RTTN: variants seen among roughly 807,000 people sequenced by gnomAD.
RTTN encodes rotatin.
RTTN carries 182 observed loss-of-function variants against 269.2 expected under a neutral mutation model. The ratio of observed to expected loss-of-function variants is 0.68; its 90% CI spans 0.60 to 0.76. The LOEUF is 0.76. RTTN is among the 30% of genes least tolerant of loss of function. The probability of loss-of-function intolerance (pLI) is 0.00; values close to 1 mark genes in which losing one functional copy is unlikely to be tolerated. For synonymous variants in RTTN, 1,006 were observed against 963.5 expected, an observed-to-expected ratio of 1.04 and a Z score of -0.82; for missense variants, 2,545 against 2,608.6, an observed-to-expected ratio of 0.98 and a Z score of 0.53.
At chr18:70,165,263 T>C (rs1341307568) in intron 14 of RTTN, among the ~76,000 whole-genome samples, 2 of 151,596 alleles carry the variant, frequency 1.3e-5, no homozygotes, top group African/African-American at 2.4e-5. Context: ...TATATACTAA[T>C]CATGCTATAT....
intron 32 of RTTN, among the ~76,000 whole-genome samples, chr18:70,082,764 T>C (rs2058603666): frequency 6.6e-6 from 1 of 152,104 alleles, no homozygotes; most frequent in Admixed American, 6.6e-5. Context: ...AATCATAGCT[T>C]ACTGTGGCCT....
intron 8 of RTTN, 34 bp downstream of exon 8, chr18:70,193,254 T>C (rs752515337): frequency 4.4e-5 from 68 of 1,561,298 alleles, no homozygotes; most frequent in Non-Finnish European, 5.7e-5. Flanking sequence ...TAACCGGCAT[T>C]TCTCATTTCC....
chr18:70,066,061 T>C, intron 34 of RTTN, 139 bp from the exon 35 acceptor site: 1 of 474,624 alleles, frequency 2.1e-6, no homozygotes, highest in Non-Finnish European at 3.7e-6. Flanking sequence ...AAAGATTCCA[T>C]ATCTTGGGAG....
chr18:70,201,888 A>G lies in RTTN; in HGVS notation c.487+6T>C. 1.3e-6 allele frequency: 2 copies of G among 1,573,026 alleles called. No homozygotes were observed. The highest frequency in any genetic ancestry group is 1.1e-5 in the South Asian group (1 of 89,446). ...CAACAGGATTTACTTCCCGACATAT[A>G]CACACCCACTGGTCGTGGCGGCACT... On this transcript the variant is annotated splice_donor_region_variant and intron_variant, in intron 4 of 48. Coordinates refer to ENST00000640769, the MANE Select transcript of RTTN (RefSeq NM_173630.4).
At chr18:70,127,849 T>C in intron 24 of RTTN, 108 bp from the exon 25 acceptor site, 1 of 1,051,152 alleles carries the variant, frequency 9.5e-7, no homozygotes, top group Non-Finnish European at 1.3e-6. Context: ...CTTCATTTTC[T>C]TTTAACAAAA....
At chr18:70,012,001 GCTCACTGGTATTGGTTAC>G (rs1266130681) in intron 46 of RTTN, among the ~76,000 whole-genome samples, 5 of 151,288 alleles carry the variant, frequency 3.3e-5, no homozygotes, top group South Asian at 4.2e-4. Context: ...GGCAGCGTCT[GCTCACTGGTATTGGTTAC>G]AGGGCAGCGT....
intron 4 of RTTN, among the ~76,000 whole-genome samples, chr18:70,200,444 C>T (rs112547762): frequency 7.8e-4 from 119 of 152,292 alleles, no homozygotes; most frequent in African/African-American, 2.5e-3. Context: ...TTCAGACACC[C>T]ATCCTTTACC....
rs1265122158 is a variant in RTTN, at chr18:70,017,477, A to G, written c.6351T>C (p.Pro2117=). 1 of 1,614,038 alleles carries G rather than the reference A, an allele frequency of 6.2e-7. No homozygotes were observed. Among genetic ancestry groups the G allele is most frequent in the Non-Finnish European group, 8.5e-7 (1 of 1,179,932 alleles). The change falls in exon 46 of 49, where the codon CCT becomes CCC. Residue 2117 remains proline, a synonymous_variant. Coordinates refer to ENST00000640769, the MANE Select transcript of RTTN (RefSeq NM_173630.4). ...EMSKYKHKSS[P]LLPLLIFHNV... Reference sequence around the variant, plus strand: ...TATGAAAGATAAGAAGAGGCAATAAAGGGCTGCTCTTGTGCTTGTATTTGC... The same window carrying G: ...TATGAAAGATAAGAAGAGGCAATAAGGGGCTGCTCTTGTGCTTGTATTTGC...
intron 35 of RTTN, among the ~76,000 whole-genome samples, chr18:70,063,113 G>A (rs2058037106): frequency 6.6e-6 from 1 of 152,056 alleles, no homozygotes; most frequent in Non-Finnish European, 1.5e-5. Flanking sequence ...AAATAAAAGA[G>A]AATTCCTAGA....
chr18:70,125,438 A>T (rs1055371515), intron 25 of RTTN, among the ~76,000 whole-genome samples: 1 of 151,858 alleles, frequency 6.6e-6, no homozygotes, highest in Non-Finnish European at 1.5e-5. Flanking sequence ...ATACACACTC[A>T]CTCCTAAAAG....
chr18:70,158,393 C>G (rs11151575), intron 14 of RTTN, among the ~76,000 whole-genome samples: 1 of 152,014 alleles, frequency 6.6e-6, no homozygotes, highest in Non-Finnish European at 1.5e-5. Context: ...GAGAAGCAAA[C>G]GCTCAGGGAA....
At chr18:70,033,841 G>A (rs201244731) in intron 40 of RTTN, among the ~76,000 whole-genome samples, 2 of 35,900 alleles carry the variant, frequency 5.6e-5, no homozygotes, top group South Asian at 2.2e-3. Context: ...ATGAAGAAAC[G>A]AGAAAAGATC....
At chr18:70,169,093 A>T in intron 11 of RTTN, 26 bp from the exon 12 acceptor site, 1 of 1,529,888 alleles carries the variant, frequency 6.5e-7, no homozygotes, top group Non-Finnish European at 8.8e-7. Context: ...AAACAAAAAA[A>T]TTAAAACTTT....
chr18:70,196,685 A>T (rs1270923799), intron 6 of RTTN, 37 bp from the exon 7 acceptor site: 3 of 1,594,312 alleles, frequency 1.9e-6, no homozygotes, highest in Non-Finnish European at 2.6e-6. Flanking sequence ...TACTAAGGGA[A>T]CAAAGAGCTC....
intron 11 of RTTN, among the ~76,000 whole-genome samples, chr18:70,176,209 GTAT>G (rs2061293067): frequency 0.013 from 957 of 71,010 alleles, 2 homozygotes; most frequent in African/African-American, 0.029. Context: ...AGATGTATAT[GTAT>G]ATGTATATGT....
chr18:70,179,490 T>A (rs1315960683), intron 10 of RTTN, among the ~76,000 whole-genome samples: 1 of 152,198 alleles, frequency 6.6e-6, no homozygotes, highest in African/African-American at 2.4e-5. Context: ...TTGTATTGTT[T>A]TGTTTTGTTT....
At chr18:70,017,864 G>C (rs1188510757) in intron 45 of RTTN, among the ~76,000 whole-genome samples, 190 bp from the exon 46 acceptor site, 1 of 152,100 alleles carries the variant, frequency 6.6e-6, no homozygotes, top group Admixed American at 6.6e-5. Context: ...GAACAAAATA[G>C]TGCTCAAGTT....
chr18:70,205,382 G>C, intron 1 of RTTN, 67 bp from the exon 2 acceptor site: 14 of 1,576,740 alleles, frequency 8.9e-6, no homozygotes, highest in Non-Finnish European at 1.2e-5. Context: ...TTTATGCTGT[G>C]GGCAGGAGCG....
rs1268226311 is a variant in RTTN at position 70,030,929 on chromosome 18, G to A, written c.5594C>T (p.Ala1865Val). 1.9e-6 allele frequency: 3 copies of A among 1,613,672 alleles called. No individual in the cohort carries two copies. The East Asian group carries it at 6.7e-5, about 36-fold the overall frequency. Reference protein sequence around the residue: ...KDILKRVAANALMSLLAVSRR... With the variant: ...KDILKRVAANVLMSLLAVSRR... The stretch of plus-strand genomic sequence containing the variant: ...ACTGACAGCCAGCAGTGACATCAAT[G>A]CATTTGCAGCTACTCTTTTCAGGAT... Residue 1865 changes from alanine to valine, a missense_variant, in exon 41 of 49, where the codon GCA becomes GTA. Physicochemically the swap from Ala to Val is moderately conservative, Grantham distance 64 (BLOSUM62 0). Coordinates refer to ENST00000640769, the MANE Select transcript of RTTN (RefSeq NM_173630.4).
Sources: allele counts gnomAD v4.1 joint callset (sites outside exome capture counted in the v4.1 genomes callset), GRCh38; gene constraint gnomAD v4.1.1; transcripts MANE v1.5; gene names NCBI Gene and HGNC (gene_info 2026-07-23, HGNC 2026-07-21).